Variants in MED1 observed in about 807,000 individuals in gnomAD.
The protein encoded by MED1 is mediator of RNA polymerase II transcription subunit 1.
A neutral mutation model predicts 121.3 loss-of-function variants in MED1; 17 were observed. That is an observed-to-expected ratio of 0.14 (90% CI 0.10 to 0.21). The LOEUF is 0.21. Ranked by LOEUF, MED1 falls within the 10% of genes least tolerant of loss-of-function variation. The pLI, the probability that MED1 is intolerant of heterozygous loss-of-function variation, is 1.00. For missense variants in MED1, 1,558 were observed against 1,919.4 expected, an observed-to-expected ratio of 0.81 and a Z score of 3.52; for synonymous variants, 661 against 694.4, an observed-to-expected ratio of 0.95 and a Z score of 0.76.
chr17:39,423,671 A>G (rs954095847), intron 12 of MED1, 26 bp downstream of exon 12: 4 of 1,613,864 alleles, frequency 2.5e-6, no homozygotes, highest in Non-Finnish European at 3.4e-6. Flanking sequence ...TATAACAAGT[A>G]CTAGATCCTG....
chr17:39,447,480 G>C (rs1386310474), intron 2 of MED1, among the ~76,000 whole-genome samples: 1 of 151,736 alleles, frequency 6.6e-6, no homozygotes, highest in African/African-American at 2.4e-5. Flanking sequence ...TTACCTTCAG[G>C]CTATATCTAT....
intron 16 of MED1, among the ~76,000 whole-genome samples, chr17:39,413,713 AAC>A (rs1491181179): frequency 6.6e-6 from 1 of 151,996 alleles, no homozygotes; most frequent in Non-Finnish European, 1.5e-5. Context: ...CAGCCTGGGT[AAC>A]AGAGTGAGAC....
At chr17:39,443,290 G>A (rs890643909) in intron 3 of MED1, among the ~76,000 whole-genome samples, 8 of 151,672 alleles carry the variant, frequency 5.3e-5, no homozygotes, top group South Asian at 4.2e-4. Flanking sequence ...GCGAGCCACC[G>A]CACCCAGCCT....
chr17:39,440,688 A>T lies in MED1; in HGVS notation c.212-11T>A. On this transcript the variant is annotated splice_polypyrimidine_tract_variant and intron_variant, in intron 3 of 16. Transcript: ENST00000300651. The surrounding 1 kb of genome is among the most constrained non-coding windows in gnomAD (Gnocchi z 4.1). Reference sequence around the variant, plus strand: ...CTGGTAAAGATGTTACTATAAAAGGATGAAAAAAGGAGTCACAAAGAATGC... The same window carrying T: ...CTGGTAAAGATGTTACTATAAAAGGTTGAAAAAAGGAGTCACAAAGAATGC... The T allele has an allele frequency of 6.2e-7, 1 of 1,609,176 alleles. No individual in the cohort carries two copies. Among genetic ancestry groups the T allele is most frequent in the Non-Finnish European group, 8.5e-7 (1 of 1,177,508 alleles).
intron 6 of MED1, among the ~76,000 whole-genome samples, chr17:39,436,587 C>T (rs547097565): frequency 6.6e-6 from 1 of 152,208 alleles, no homozygotes; most frequent in East Asian, 1.9e-4. Flanking sequence ...AAAAAATCCA[C>T]TATCTGCTAA....
intron 14 of MED1, among the ~76,000 whole-genome samples, chr17:39,417,321 C>A (rs1207418748): frequency 6.8e-6 from 1 of 147,718 alleles, no homozygotes; most frequent in Non-Finnish European, 1.5e-5. Context: ...CCAAGCAAGA[C>A]TCCGTCTCAA....
At chr17:39,447,232 A>C (rs1325550562) in intron 2 of MED1, among the ~76,000 whole-genome samples, 1 of 151,970 alleles carries the variant, frequency 6.6e-6, no homozygotes, top group East Asian at 1.9e-4. Context: ...CTCTACAAAT[A>C]ATATAAAAAT....
chr17:39,417,780 G>A, intron 14 of MED1, among the ~76,000 whole-genome samples: 1 of 152,120 alleles, frequency 6.6e-6, no homozygotes, highest in Non-Finnish European at 1.5e-5. Flanking sequence ...AGCTAGAACA[G>A]CCAAAATTTA....
At chr17:39,424,762 T>C (rs1231355824) in intron 10 of MED1, 24 bp from the exon 11 acceptor site, 1 of 1,373,166 alleles carries the variant, frequency 7.3e-7, no homozygotes, top group Non-Finnish European at 1.0e-6. Context: ...AGAAAAAGGG[T>C]ATTCCTCAAA....
At chr17:39,445,867 A>G (rs568944057) in intron 2 of MED1, among the ~76,000 whole-genome samples, 1 of 151,582 alleles carries the variant, frequency 6.6e-6, no homozygotes, top group South Asian at 2.1e-4. Context: ...CATCTCTACT[A>G]AAAATACAAA....
chr17:39,449,044 T>TC (rs2048756666), intron 1 of MED1, among the ~76,000 whole-genome samples: 1 of 151,850 alleles, frequency 6.6e-6, no homozygotes, highest in Admixed American at 6.6e-5. Context: ...TTCTTTTCTT[T>TC]TTTTTTTTTA....
chr17:39,433,676 C>T (rs2048591337), intron 7 of MED1, among the ~76,000 whole-genome samples: 1 of 151,978 alleles, frequency 6.6e-6, no homozygotes, highest in Non-Finnish European at 1.5e-5. Context: ...ACCTTAGCCT[C>T]CGAAGTAGCT....
chr17:39,417,718 T>C (rs1347446402), intron 14 of MED1, among the ~76,000 whole-genome samples: 1 of 152,224 alleles, frequency 6.6e-6, no homozygotes, highest in Non-Finnish European at 1.5e-5. Flanking sequence ...CACTGACACA[T>C]ATCTATCAAC....
rs775067786 is a variant in MED1 at position 39,409,132 on chromosome 17, G to C, written c.3089C>G (p.Pro1030Arg). ...ACCTGTACTGGTAGGTGGGGTAAAA[G>C]GTCTGTTAGAAGAACTATGAGATGG... ...KSPSHSSSNR[P>R]FTPPTSTGGS... is the part of the protein sequence containing the mutation. Residue 1030 changes from proline (P) to arginine (R), a missense_variant, in exon 17 of 17, where the codon CCT (proline) becomes CGT (arginine). This residue lies in a region of MED1 where 793 missense variants were observed against 898.2 expected (regional missense o/e 0.88). Coordinates refer to ENST00000300651, the MANE Select transcript of MED1 (RefSeq NM_004774.4). 2 of 1,614,160 alleles carry C rather than the reference G, an allele frequency of 1.2e-6. No individual in the cohort carries two copies. Among genetic ancestry groups the C allele is most frequent in the Admixed American group, 1.7e-5 (1 of 60,018 alleles).
At chr17:39,443,763 TA>T in intron 2 of MED1, 135 bp from the exon 3 acceptor site, 1 of 667,390 alleles carries the variant, frequency 1.5e-6, no homozygotes, top group Non-Finnish European at 2.6e-6. Context: ...TTTTGTAGAC[TA>T]TATAGAGTAA....
chr17:39,409,692 T>G lies in MED1; in HGVS notation c.2529A>C (p.Ala843=). 2 of 1,614,160 alleles carry G rather than the reference T, an allele frequency of 1.2e-6. No homozygotes were observed. Among genetic ancestry groups the G allele is most frequent in the South Asian group, 1.1e-5 (1 of 91,086 alleles). ...NPYTDPADLI[A]DAAGSPSSDS... ...CACTACTGGGGCTTCCAGCAGCATC[T>G]GCAATAAGATCAGCTGGATCAGTGT... Residue 843 remains alanine (A), a synonymous_variant, in exon 17 of 17, where the codon GCA becomes GCC. Transcript: ENST00000300651.
intron 9 of MED1, among the ~76,000 whole-genome samples, chr17:39,428,201 T>C (rs1327400260): frequency 2.0e-5 from 3 of 151,934 alleles, no homozygotes; most frequent in Admixed American, 1.3e-4. Flanking sequence ...ATACAAAAAA[T>C]TGGCCAGGTG....
rs2048287789 is a variant in MED1, at chr17:39,404,489, T to G, written c.*2986A>C. The G allele has an allele frequency of 6.6e-6, 1 of 152,320 alleles. No individual in the cohort carries two copies. The highest frequency in any genetic ancestry group is 2.1e-4 in the South Asian group (1 of 4,832). 9.4% of individuals were successfully genotyped at this position (152,320 alleles called of 1,614,324 possible). ...CCTCCCCAGCTGCTCCTGATGTACA[T>G]TTTTAAACTCAAAATTTAAAGCTCA... On this transcript the variant is annotated 3_prime_UTR_variant, in exon 17 of 17. Transcript: ENST00000300651.
At chr17:39,417,454 C>G (rs1227337714) in intron 14 of MED1, among the ~76,000 whole-genome samples, 1 of 151,878 alleles carries the variant, frequency 6.6e-6, no homozygotes, top group East Asian at 1.9e-4. Flanking sequence ...CGGTGACACC[C>G]CGTTTCTACT....
Sources: allele counts gnomAD v4.1 joint callset (sites outside exome capture counted in the v4.1 genomes callset), GRCh38; gene constraint gnomAD v4.1.1; regional missense constraint gnomAD v4.1.1; non-coding constraint Gnocchi (gnomAD v3.1); transcripts MANE v1.5; gene names NCBI Gene and HGNC (gene_info 2026-07-23, HGNC 2026-07-21).